ERBB4: variants seen among roughly 807,000 people sequenced by gnomAD.
The protein encoded by ERBB4 is erb-b2 receptor tyrosine kinase 4, also known as receptor tyrosine-protein kinase erbB-4.
In ERBB4, 42 loss-of-function variants were observed where a neutral mutation model predicts 158.0. The observed-to-expected ratio is 0.27, with a 90% CI of 0.21 to 0.34. The LOEUF is 0.34. Ranked by LOEUF, ERBB4 falls within the 10% of genes least tolerant of loss-of-function variation. The probability of loss-of-function intolerance (pLI) is 1.00; values close to 1 mark genes in which losing one functional copy is unlikely to be tolerated. For missense variants in ERBB4, 1,333 were observed against 1,624.1 expected (o/e 0.82, Z 3.08); for synonymous variants, 583 against 558.7 (o/e 1.04, Z -0.61).
intron 25 of ERBB4, among the ~76,000 whole-genome samples, chr2:211,388,622 C>T (rs550353409): frequency 3.3e-5 from 5 of 151,118 alleles, no homozygotes; most frequent in East Asian, 1.9e-4. Context: ...AAATCAATTC[C>T]TTTCCTGAAA....
chr2:212,262,841 A>G (rs2084995531), intron 1 of ERBB4, among the ~76,000 whole-genome samples: 1 of 152,174 alleles, frequency 6.6e-6, no homozygotes, highest in Non-Finnish European at 1.5e-5. Context: ...ATGTAAATGT[A>G]TGTCTGGAAC....
Position 212,373,889 on chromosome 2 carries a change from CCA to C in ERBB4, c.82+164558_82+164559del, listed in dbSNP as rs775248600. 3.2e-4 allele frequency among the ~76,000 whole-genome samples: 37 copies of C among 114,354 alleles called. 3 individuals carry two copies. The highest frequency in any genetic ancestry group is 1.1e-3 in the South Asian group (4 of 3,522). The allele number at this position is 114,354 out of a possible 152,430, so 75.0% of individuals were successfully genotyped here. A position where few individuals can be genotyped will look rare whatever the true frequency, so the allele number is the denominator to read the frequency against. ...CATATATATATATCCATGTATATAT[CCA>C]TATATATATATCCATGTATATATCC... On this transcript the variant is annotated intron_variant, in intron 1 of 27. Coordinates refer to ENST00000342788, the MANE Select transcript of ERBB4 (RefSeq NM_005235.3).
chr2:212,255,147 T>C (rs1428871442), intron 1 of ERBB4, among the ~76,000 whole-genome samples: 1 of 152,188 alleles, frequency 6.6e-6, no homozygotes, highest in Non-Finnish European at 1.5e-5. Flanking sequence ...TGCATTAGGC[T>C]GTATACCTGA....
At chr2:211,568,697 GAA>G (rs962363842) in intron 19 of ERBB4, among the ~76,000 whole-genome samples, 1 of 152,092 alleles carries the variant, frequency 6.6e-6, no homozygotes, top group African/African-American at 2.4e-5. Context: ...TAGAGGAAAA[GAA>G]AAGAGACAAT....
At chr2:211,805,241 C>G (rs1645125239) in intron 3 of ERBB4, among the ~76,000 whole-genome samples, 1 of 152,062 alleles carries the variant, frequency 6.6e-6, no homozygotes, top group Non-Finnish European at 1.5e-5. Context: ...TTAAAAGATT[C>G]TATTCAACTC....
intron 2 of ERBB4, among the ~76,000 whole-genome samples, chr2:211,993,558 G>C (rs1345530754): frequency 6.6e-6 from 1 of 151,444 alleles, no homozygotes; most frequent in Non-Finnish European, 1.5e-5. Flanking sequence ...ATTTCTTTAA[G>C]AGACTTCCCC....
At chr2:212,465,471 T>A (rs1688785148) in intron 1 of ERBB4, among the ~76,000 whole-genome samples, 1 of 152,186 alleles carries the variant, frequency 6.6e-6, no homozygotes, top group African/African-American at 2.4e-5. Context: ...CTCTGTATAA[T>A]TTACAAAGTG....
chr2:212,319,532 G>A (rs2087461209), intron 1 of ERBB4, among the ~76,000 whole-genome samples: 1 of 150,492 alleles, frequency 6.6e-6, no homozygotes. Context: ...GCAAGCATAA[G>A]CATTTAAATC....
intron 1 of ERBB4, among the ~76,000 whole-genome samples, chr2:212,323,709 T>C (rs1360611194): frequency 6.6e-6 from 1 of 150,750 alleles, no homozygotes; most frequent in Admixed American, 6.6e-5. Flanking sequence ...ATTATGATTA[T>C]TGTCAGTTAT....
chr2:211,425,685 A>G (rs1376837612), intron 22 of ERBB4, among the ~76,000 whole-genome samples: 2 of 151,912 alleles, frequency 1.3e-5, no homozygotes, highest in Admixed American at 1.3e-4. Context: ...TTTTAGAATT[A>G]TCTATTTTGT....
At chr2:212,083,392 T>C (rs2078504139) in intron 2 of ERBB4, among the ~76,000 whole-genome samples, 1 of 151,894 alleles carries the variant, frequency 6.6e-6, no homozygotes, top group African/African-American at 2.4e-5. Flanking sequence ...GGGGGAGGAA[T>C]GAGCTGTCAC....
At chr2:211,778,169 AC>A in intron 4 of ERBB4, 1 of 152,270 alleles carries the variant, frequency 6.6e-6, no homozygotes, top group East Asian at 1.9e-4. Flanking sequence ...ATGAGAAATC[AC>A]TTCAGGGCTG....
intron 4 of ERBB4, among the ~76,000 whole-genome samples, chr2:211,785,185 C>T (rs928836306): frequency 4.0e-5 from 6 of 151,592 alleles, no homozygotes; most frequent in East Asian, 1.9e-4. Flanking sequence ...CACTGCAAGC[C>T]CCGCCTCCTG....
chr2:212,141,443 T>C (rs1412530182), intron 1 of ERBB4, among the ~76,000 whole-genome samples: 1 of 152,026 alleles, frequency 6.6e-6, no homozygotes, highest in Non-Finnish European at 1.5e-5. Context: ...ATAACACTTC[T>C]TAGAAATACA....
chr2:212,458,212 G>A (rs7564771), intron 1 of ERBB4, among the ~76,000 whole-genome samples: 22,454 of 151,010 alleles, frequency 0.15, 1,770 homozygotes, highest in Non-Finnish European at 0.18. Context: ...GAATGATTAC[G>A]ACAAAAAACT....
rs374971898 is a variant in ERBB4 at position 212,444,591 on chromosome 2, T to G, written c.82+93858A>C. ...GAGGATTTTAATAATCAAGTGGATATGATGATCCATTCTATGGATACTCCT... is the reference window on the plus strand; with the variant it reads ...GAGGATTTTAATAATCAAGTGGATAGGATGATCCATTCTATGGATACTCCT... On this transcript the variant is annotated intron_variant, in intron 1 of 27. Coordinates refer to ENST00000342788, the MANE Select transcript of ERBB4 (RefSeq NM_005235.3). Among the ~76,000 whole-genome samples the G allele has an allele frequency of 1.2e-4, 19 of 152,278 alleles. No homozygotes were observed. The East Asian group carries it at 3.1e-3, about 25-fold the overall frequency.
intron 1 of ERBB4, among the ~76,000 whole-genome samples, chr2:212,222,406 T>C (rs1203668523): frequency 1.3e-4 from 19 of 151,572 alleles, no homozygotes; most frequent in Non-Finnish European, 2.7e-4. Context: ...ATAAATGAAT[T>C]AGAAAAAATT....
At chr2:211,461,439 A>G (rs771532662) in intron 20 of ERBB4, among the ~76,000 whole-genome samples, 19 of 152,162 alleles carry the variant, frequency 1.2e-4, no homozygotes, top group Admixed American at 5.9e-4. Flanking sequence ...GATCTGGGGA[A>G]AACAAGGGAT....
chr2:211,727,731 G>C (rs185294644), intron 5 of ERBB4, among the ~76,000 whole-genome samples: 60 of 151,880 alleles, frequency 4.0e-4, no homozygotes, highest in Non-Finnish European at 7.2e-4. Context: ...GCACAATATT[G>C]AAAGATAAAG....
Sources: allele counts gnomAD v4.1 joint callset (sites outside exome capture counted in the v4.1 genomes callset), GRCh38; gene constraint gnomAD v4.1.1; transcripts MANE v1.5; gene names NCBI Gene and HGNC (gene_info 2026-07-23, HGNC 2026-07-21).